Variants in MS4A7 observed in about 807,000 individuals in gnomAD.
MS4A7 encodes membrane spanning 4-domains A7, also known as membrane-spanning 4-domains subfamily A member 7.
MS4A7 carries 21 observed loss-of-function variants against 23.5 expected under a neutral mutation model. The ratio of observed to expected loss-of-function variants is 0.89; its 90% confidence interval spans 0.63 to 1.29. MS4A7 has a LOEUF of 1.29. MS4A7 is among the 50% of genes most tolerant of loss of function. The probability of loss-of-function intolerance (pLI) is 0.00; values close to 1 mark genes in which losing one functional copy is unlikely to be tolerated. For synonymous variants in MS4A7, 111 were observed against 107.4 expected (o/e 1.03, Z -0.21); for missense variants, 263 against 274.2 (o/e 0.96, Z 0.29).
intron 5 of MS4A7, among the ~76,000 whole-genome samples, chr11:60,390,811 C>T (rs1400193492): frequency 6.6e-6 from 1 of 152,128 alleles, no homozygotes; most frequent in African/African-American, 2.4e-5. Flanking sequence ...AAGGCCTACT[C>T]TTTGTTAATT....
rs962691303 is a variant in MS4A7 at position 60,395,919 on chromosome 11, T to C, written c.*2058T>C. 6 of 152,216 alleles carry C rather than the reference T, an allele frequency of 3.9e-5. No individual in the cohort carries two copies. In the East Asian group the frequency reaches 1.2e-3, roughly 29 times the overall value. The allele number at this position is 152,216 out of a possible 1,614,324, so 9.4% of individuals were successfully genotyped here. On this transcript the variant is annotated 3_prime_UTR_variant, in exon 7 of 7. Coordinates refer to ENST00000300184, the MANE Select transcript of MS4A7 (RefSeq NM_021201.5). Reference sequence around the variant, plus strand: ...ATATATAATTTTTATTTGTCAAATATACCTCAATAAAGATGGAAAAAAATC... The same window carrying C: ...ATATATAATTTTTATTTGTCAAATACACCTCAATAAAGATGGAAAAAAATC...
chr11:60,394,807 TAAATA>T lies in MS4A7; in HGVS notation c.*950_*954del, dbSNP rs933141548. ...ACAAGAACAAAACTCCATCTCAAAA[TAAATA>T]AAAAAATAAATAAAAATAAAAATAG... is the stretch of plus-strand genomic sequence containing the variant. On this transcript the variant is annotated 3_prime_UTR_variant, in exon 7 of 7. Coordinates refer to ENST00000300184, the MANE Select transcript of MS4A7 (RefSeq NM_021201.5). The T allele has an allele frequency of 6.1e-6, 2 of 328,700 alleles. No individual in the cohort carries two copies. Among genetic ancestry groups the T allele is most frequent in the African/African-American group, 4.3e-5 (2 of 46,268 alleles). 20.4% of individuals were successfully genotyped at this position (328,700 alleles called of 1,614,324 possible).
At chr11:60,391,950 T>TG (rs2085556816) in intron 5 of MS4A7, among the ~76,000 whole-genome samples, 1 of 31,132 alleles carries the variant, frequency 3.2e-5, no homozygotes, top group Non-Finnish European at 5.9e-5. Flanking sequence ...GAAACCAAAA[T>TG]GGAAAAAAAA....
At chr11:60,392,267 A>G (rs1000981056) in intron 5 of MS4A7, among the ~76,000 whole-genome samples, 2 of 152,080 alleles carry the variant, frequency 1.3e-5, no homozygotes, top group Admixed American at 1.3e-4. Context: ...AAGAGAGAGT[A>G]TATGCAAAAG....
At chr11:60,389,366 C>T in intron 4 of MS4A7, 24 bp from the exon 5 acceptor site, 1 of 1,583,408 alleles carries the variant, frequency 6.3e-7, no homozygotes, top group Non-Finnish European at 8.6e-7. Context: ...GTGATGAGAA[C>T]CCAATGCAGA....
rs2085594053 is a variant in MS4A7 at position 60,394,716 on chromosome 11, C to T, written c.*855C>T. 9.0e-6 allele frequency: 2 copies of T among 222,988 alleles called. No individual in the cohort carries two copies. The highest frequency in any genetic ancestry group is 1.7e-5 in the Non-Finnish European group (2 of 117,008). 13.8% of individuals were successfully genotyped at this position (222,988 alleles called of 1,614,324 possible). ...ACTTGGGAGGCTGAGGCAGAAGAAT[C>T]ACTTGAACCCGGGAAGGGGAGGTTG... On this transcript the variant is annotated 3_prime_UTR_variant, in exon 7 of 7. Transcript: ENST00000300184.
rs200794871 is a variant in MS4A7 at position 60,392,789 on chromosome 11, G to A, written c.648+3G>A. 154 of 1,603,540 alleles carry A rather than the reference G, an allele frequency of 9.6e-5. No individual in the cohort carries two copies. Among genetic ancestry groups the A allele is most frequent in the Non-Finnish European group, 1.3e-4 (151 of 1,170,552 alleles). On this transcript the variant is annotated splice_donor_region_variant and intron_variant, in intron 6 of 6. Coordinates refer to ENST00000300184, the MANE Select transcript of MS4A7 (RefSeq NM_021201.5). ...AGCTCTACTCCAACAACCCTGGGGT[G>A]AGTATGCTGACATGTCGCCTGATAC... is the stretch of plus-strand genomic sequence containing the variant.
chr11:60,389,525 T>C lies in MS4A7; in HGVS notation c.475T>C (p.Leu159=). The C allele has an allele frequency of 2.5e-6, 4 of 1,614,120 alleles. No homozygotes were observed. The highest frequency in any genetic ancestry group is 3.4e-6 in the Non-Finnish European group (4 of 1,179,954). The change falls in exon 5 of 7, where the codon TTG becomes CTG. Residue 159 remains leucine, a synonymous_variant. Transcript: ENST00000300184. ...CGSEMDYLSS[L]PYSEYYYPIY... ...CTCAGAAATGGATTATCTATCCTCATTGCCTTATTCGGAGTACTATTATCC... is the reference window on the plus strand; with the variant it reads ...CTCAGAAATGGATTATCTATCCTCACTGCCTTATTCGGAGTACTATTATCC...
chr11:60,391,886 T>G (rs2085555352), intron 5 of MS4A7, among the ~76,000 whole-genome samples: 1 of 138,934 alleles, frequency 7.2e-6, no homozygotes, highest in Non-Finnish European at 1.5e-5. Context: ...ACCATTGCAC[T>G]CCAGACTGGG....
rs138441528 is a variant in MS4A7 at position 60,391,777 on chromosome 11, G to C, written c.547-908G>C. On this transcript the variant is annotated intron_variant, in intron 5 of 6. Transcript: ENST00000300184. ...CTACTAAAAATACAAAAATTAGTCA[G>C]GGAGGGTGGTACATGCCTGTAATCC... is the stretch of plus-strand genomic sequence containing the variant. Among the ~76,000 whole-genome samples the C allele has an allele frequency of 4.5e-4, 68 of 152,152 alleles. 1 individual carries two copies. The highest frequency in any genetic ancestry group is 1.5e-3 in the African/African-American group (63 of 41,506).
Position 60,380,977 on chromosome 11 carries a change from A to T in MS4A7, c.-13-2152A>T, listed in dbSNP as rs540599920. Among the ~76,000 whole-genome samples the T allele has an allele frequency of 5.9e-5, 9 of 152,330 alleles. No individual in the cohort carries two copies. The South Asian group carries it at 1.7e-3, about 28-fold the overall frequency. On this transcript the variant is annotated intron_variant, in intron 1 of 6. Coordinates refer to ENST00000300184, the MANE Select transcript of MS4A7 (RefSeq NM_021201.5). Reference sequence around the variant, plus strand: ...ACCTGCTAGATAAGCAATCTTGCACAAGCTATTTCACCTCTCCAAGCCTCA... The same window carrying T: ...ACCTGCTAGATAAGCAATCTTGCACTAGCTATTTCACCTCTCCAAGCCTCA...
Position 60,387,849 on chromosome 11 carries a change from C to CA in MS4A7, c.339+1077dup. 2.6e-5 allele frequency among the ~76,000 whole-genome samples: 4 copies of CA among 152,324 alleles called. No homozygotes were observed. In the Middle Eastern group the frequency reaches 0.014, roughly 518 times the overall value. On this transcript the variant is annotated intron_variant, in intron 4 of 6. Coordinates refer to ENST00000300184, the MANE Select transcript of MS4A7 (RefSeq NM_021201.5). ...CTGAAGAAGTTGGAATACCTACCTA[C>CA]AGGTGGATCAGGCCTATGAGAACCA...
chr11:60,385,200 A>G lies in MS4A7; in HGVS notation c.260A>G (p.Tyr87Cys). The G allele has an allele frequency of 6.2e-7, 1 of 1,614,032 alleles. No homozygotes were observed. The highest frequency in any genetic ancestry group is 8.5e-7 in the Non-Finnish European group (1 of 1,179,982). The stretch of plus-strand genomic sequence containing the variant: ...ATTTCCACCACTTTGATGTCTGGGT[A>G]CCCATTTTTAGGAGCTCTGTGTGTG... ...PAISTTLMSG[Y>C]PFLGALCFGI... Residue 87 changes from tyrosine to cysteine, a missense_variant, in exon 3 of 7, where the codon TAC becomes TGC. Transcript: ENST00000300184.
Position 60,385,184 on chromosome 11 carries a change from A to G in MS4A7, c.244A>G (p.Thr82Ala), listed in dbSNP as rs746042780. The change falls in exon 3 of 7, where the codon ACT (threonine) becomes GCT (alanine). Residue 82 changes from threonine to alanine, a missense_variant. By Grantham distance (58) the Thr-to-Ala change is moderately conservative. Transcript: ENST00000300184. ...PSHFNPAISTTLMSGYPFLGA... is the reference protein window; with the variant it reads ...PSHFNPAISTALMSGYPFLGA... ...CCACTTCAATCCAGCAATTTCCACCACTTTGATGTCTGGGTACCCATTTTT... is the reference window on the plus strand; with the variant it reads ...CCACTTCAATCCAGCAATTTCCACCGCTTTGATGTCTGGGTACCCATTTTT... 1.2e-6 allele frequency: 2 copies of G among 1,614,098 alleles called. No individual in the cohort carries two copies. The highest frequency in any genetic ancestry group is 4.5e-5 in the East Asian group (2 of 44,880).
At chr11:60,389,627 T>C (rs776655323) in intron 5 of MS4A7, 31 bp downstream of exon 5, 49 of 1,589,298 alleles carry the variant, frequency 3.1e-5, no homozygotes, top group Non-Finnish European at 4.0e-5. Flanking sequence ...TATCCTGTCA[T>C]GTGAAATCTC....
chr11:60,392,860 T>C (rs576528996), intron 6 of MS4A7, 74 bp downstream of exon 6: 6 of 1,096,852 alleles, frequency 5.5e-6, no homozygotes, highest in Non-Finnish European at 6.9e-6. Context: ...CCTCAAAAAG[T>C]GGCAAAAAGA....
chr11:60,382,024 C>T (rs1389301418), intron 1 of MS4A7, among the ~76,000 whole-genome samples: 3 of 152,226 alleles, frequency 2.0e-5, no homozygotes, highest in Non-Finnish European at 4.4e-5. Context: ...AAATGTCAGG[C>T]AGCAGAGCTG....
At position 60,384,945 on chromosome 11, in the gene MS4A7, G is replaced by A. The variant is rs2233242; in HGVS notation, c.148-143G>A. ...ACATGACTTTCTCTAGAAGCATATC[G>A]ATTGGCTCCTTGTAACATTTTTCCT... is the stretch of plus-strand genomic sequence containing the variant. On this transcript the variant is annotated intron_variant, in intron 2 of 6. Transcript: ENST00000300184. 1.9e-3 allele frequency: 1,239 copies of A among 668,808 alleles called. 17 individuals carry two copies. In the African/African-American group the frequency reaches 0.02, roughly 11 times the overall value. The allele number at this position is 668,808 out of a possible 1,614,324, so 41.4% of individuals were successfully genotyped here.
intron 1 of MS4A7, among the ~76,000 whole-genome samples, chr11:60,379,509 T>C (rs559805265): frequency 6.6e-6 from 1 of 151,124 alleles, no homozygotes; most frequent in Admixed American, 6.6e-5. Flanking sequence ...CTTTTAACCA[T>C]GTGTTTTTTT....
Sources: allele counts gnomAD v4.1 joint callset (sites outside exome capture counted in the v4.1 genomes callset), GRCh38; gene constraint gnomAD v4.1.1; transcripts MANE v1.5; gene names NCBI Gene and HGNC (gene_info 2026-07-23, HGNC 2026-07-21).